The following PYHIN1 variants were observed in gnomAD, a reference collection of about 807,000 sequenced individuals.
PYHIN1 encodes the protein pyrin and HIN domain family member 1.
In PYHIN1, 32 loss-of-function variants were observed where a neutral mutation model predicts 43.7. That is an observed-to-expected ratio of 0.73 (90% CI 0.55 to 0.98). The LOEUF (loss-of-function observed/expected upper bound fraction) is 0.98. Ranked by LOEUF, PYHIN1 falls within the 50% of genes least tolerant of loss-of-function variation. The pLI is 0.00. For synonymous variants in PYHIN1, 205 were observed against 203.1 expected, an observed-to-expected ratio of 1.01 and a Z score of -0.08; for missense variants, 588 against 589.5, an observed-to-expected ratio of 1.00 and a Z score of 0.03.
intron 7 of PYHIN1, among the ~76,000 whole-genome samples, chr1:158,954,310 A>G (rs1346693351): frequency 2.2e-4 from 14 of 64,146 alleles, no homozygotes; most frequent in African/African-American, 3.2e-4. Flanking sequence ...CAGATTCACC[A>G]AAGTTGAAAT....
At chr1:158,964,143 C>A (rs1451451640) in intron 7 of PYHIN1, among the ~76,000 whole-genome samples, 1 of 151,776 alleles carries the variant, frequency 6.6e-6, no homozygotes, top group Non-Finnish European at 1.5e-5. Context: ...AACCTCAGGG[C>A]TCAAAGAAAT....
intron 7 of PYHIN1, among the ~76,000 whole-genome samples, chr1:158,963,767 A>G (rs1650463700): frequency 6.6e-6 from 1 of 152,208 alleles, no homozygotes; most frequent in South Asian, 2.1e-4. Flanking sequence ...TCCAGGAAAG[A>G]AGGTTTCTAA....
At chr1:158,935,147 T>C (rs16841341) in intron 1 of PYHIN1, among the ~76,000 whole-genome samples, 8,948 of 151,926 alleles carry the variant, frequency 0.059, 900 homozygotes, top group African/African-American at 0.2. Flanking sequence ...CTCAGTTGAG[T>C]CTAAAATGTT....
intron 7 of PYHIN1, among the ~76,000 whole-genome samples, chr1:158,955,342 A>G (rs1336239839): frequency 3.3e-5 from 5 of 150,694 alleles, no homozygotes; most frequent in African/African-American, 1.2e-4. Context: ...AATTGACCAC[A>G]TACTTGGAAG....
At chr1:158,970,067 G>C (rs1038706204) in intron 7 of PYHIN1, among the ~76,000 whole-genome samples, 2 of 151,802 alleles carry the variant, frequency 1.3e-5, no homozygotes, top group Admixed American at 1.3e-4. Flanking sequence ...TATGCTTTGG[G>C]ATCTAAACCC....
chr1:158,958,553 C>G (rs975536518), intron 7 of PYHIN1, among the ~76,000 whole-genome samples: 1 of 135,132 alleles, frequency 7.4e-6, no homozygotes, highest in African/African-American at 2.9e-5. Context: ...AGGAATTGAA[C>G]AATGAGATCA....
chr1:158,986,148 G>A, the PYHIN1 span, among the ~76,000 whole-genome samples: 1 of 152,100 alleles, frequency 6.6e-6, no homozygotes, highest in African/African-American at 2.4e-5. Flanking sequence ...TGCTGGGTAG[G>A]TAGCATGGTA....
At chr1:158,961,633 T>C (rs1369976423) in intron 7 of PYHIN1, among the ~76,000 whole-genome samples, 4 of 151,618 alleles carry the variant, frequency 2.6e-5, no homozygotes, top group African/African-American at 7.3e-5. Flanking sequence ...TGCAGGGAAA[T>C]GGTGAGTGAG....
the PYHIN1 span, among the ~76,000 whole-genome samples, chr1:158,983,797 T>C: frequency 0.028 from 4,281 of 152,230 alleles, 296 homozygotes; most frequent in East Asian, 0.26. Context: ...AGGTATTTTA[T>C]TATGGATTCA....
chr1:158,957,516 A>G (rs978463855), intron 7 of PYHIN1, among the ~76,000 whole-genome samples: 49 of 151,462 alleles, frequency 3.2e-4, no homozygotes, highest in African/African-American at 1.1e-3. Flanking sequence ...AGGAATCCCT[A>G]TTTAATAAAT....
chr1:158,972,641 C>A (rs1650998515), intron 7 of PYHIN1, among the ~76,000 whole-genome samples: 1 of 151,978 alleles, frequency 6.6e-6, no homozygotes, highest in Non-Finnish European at 1.5e-5. Context: ...AGTTTATTTT[C>A]AACATTCTTA....
In PYHIN1 at chr1:158,973,714, C is replaced by T. The variant is rs1651080552; in HGVS notation, c.1427C>T (p.Ala476Val). The change falls in exon 8 of 9, where the codon GCC (alanine) becomes GTC (valine). Residue 476 changes from alanine (A) to valine (V), a missense_variant. Physicochemically the swap from Ala to Val is moderately conservative, Grantham distance 64. Coordinates refer to ENST00000368140, the MANE Select transcript of PYHIN1 (RefSeq NM_152501.5). ...TTTAGAATCACCTCACCAACTGTGG[C>T]CCCTCCTCTTTCTTCTGACACTTCC... ...ANFRITSPTV[A>V]PPLSSDTSTN... 3 of 1,613,276 alleles carry T rather than the reference C, an allele frequency of 1.9e-6. No homozygotes were observed. Among genetic ancestry groups the T allele is most frequent in the Non-Finnish European group, 2.5e-6 (3 of 1,179,530 alleles).
chr1:158,979,125 T>C (rs553454140), downstream of PYHIN1, among the ~76,000 whole-genome samples: 5 of 152,276 alleles, frequency 3.3e-5, no homozygotes, highest in East Asian at 9.7e-4. Context: ...TAAAACCACA[T>C]AGTGAGGCAT....
chr1:158,990,517 A>C, the PYHIN1 span, among the ~76,000 whole-genome samples: 1 of 152,174 alleles, frequency 6.6e-6, no homozygotes, highest in Non-Finnish European at 1.5e-5. Context: ...CATTTTTGTC[A>C]TGAGAAGACA....
chr1:158,939,080 A>G lies in PYHIN1; in HGVS notation c.412A>G (p.Lys138Glu). ...KGAEETLGPQ[K>E]RKKPSEEETG... The stretch of plus-strand genomic sequence containing the variant: ...AACAAGAAAAATAAACTACTTGTAG[A>G]AAAGAAAAAAACCATCTGAAGAAGA... Residue 138 changes from lysine to glutamate, a missense_variant and splice_region_variant, in exon 4 of 9, where the codon AAA becomes GAA. Transcript: ENST00000368140. 6.3e-7 allele frequency: 1 copy of G among 1,575,756 alleles called. No homozygotes were observed. The highest frequency in any genetic ancestry group is 1.2e-5 in the South Asian group (1 of 83,910).
chr1:158,989,692 A>C, the PYHIN1 span, among the ~76,000 whole-genome samples: 1 of 152,330 alleles, frequency 6.6e-6, no homozygotes, highest in Admixed American at 6.5e-5. Flanking sequence ...AGAATAAGTC[A>C]ACCCTGCTGA....
chr1:158,970,670 G>C (rs1650882017), intron 7 of PYHIN1, among the ~76,000 whole-genome samples: 1 of 151,916 alleles, frequency 6.6e-6, no homozygotes, highest in Admixed American at 6.6e-5. Context: ...TCCTCAATGA[G>C]ATTTTCTACA....
chr1:158,946,553 A>G (rs915950133), intron 7 of PYHIN1, among the ~76,000 whole-genome samples: 3 of 128,504 alleles, frequency 2.3e-5, no homozygotes, highest in Non-Finnish European at 3.5e-5. Context: ...GTGATTAGAT[A>G]GATAGATAGA....
chr1:158,947,601 C>G (rs190786866), intron 7 of PYHIN1, among the ~76,000 whole-genome samples: 1 of 151,966 alleles, frequency 6.6e-6, no homozygotes. Context: ...AGATGAATAA[C>G]ATACACTGAC....
Sources: gnomAD v4.1 joint callset for allele counts (sites outside exome capture counted in the v4.1 genomes callset) on GRCh38, gnomAD v4.1.1 for gene constraint, MANE v1.5 for transcripts, NCBI Gene and HGNC (gene_info 2026-07-23, HGNC 2026-07-21) for gene names.